The following MCU variants were observed in gnomAD, a reference collection of about 807,000 sequenced individuals.
MCU encodes mitochondrial calcium uniporter, also known as calcium uniporter protein, mitochondrial.
A neutral mutation model predicts 45.2 loss-of-function variants in MCU; 12 were observed. The ratio of observed to expected loss-of-function variants is 0.27; its 90% CI spans 0.17 to 0.43. MCU has a LOEUF of 0.43. Ranked by LOEUF, MCU falls within the 20% of genes least tolerant of loss-of-function variation. MCU has a pLI of 1.00. For synonymous variants in MCU, 160 were observed against 165.1 expected, an observed-to-expected ratio of 0.97 and a Z score of 0.24; for missense variants, 324 against 436.7, an observed-to-expected ratio of 0.74 and a Z score of 2.30.
At chr10:72,743,354 A>C (rs984601812) in intron 1 of MCU, among the ~76,000 whole-genome samples, 6 of 135,592 alleles carry the variant, frequency 4.4e-5, no homozygotes, top group Admixed American at 1.8e-4. Flanking sequence ...CAGAGGCTGC[A>C]GTGAGCCGAT....
chr10:72,876,921 GTTT>G (rs11365046), intron 6 of MCU, among the ~76,000 whole-genome samples: 3 of 134,180 alleles, frequency 2.2e-5, no homozygotes, highest in Admixed American at 7.7e-5. Context: ...TCAAATCACA[GTTT>G]TTTTTTTTTT....
intron 1 of MCU, among the ~76,000 whole-genome samples, chr10:72,797,205 A>G (rs1251928321): frequency 6.7e-6 from 1 of 150,064 alleles, no homozygotes; most frequent in Non-Finnish European, 1.5e-5. Context: ...TCTACTTTAT[A>G]ACATACTTTT....
At chr10:72,727,691 A>G (rs1843119271) in intron 1 of MCU, among the ~76,000 whole-genome samples, 1 of 152,096 alleles carries the variant, frequency 6.6e-6, no homozygotes, top group South Asian at 2.1e-4. Flanking sequence ...TGCCTCTTGT[A>G]TGGGAAGCAC....
In MCU at chr10:72,886,223, A is replaced by G. The variant is rs1240273338; in HGVS notation, c.*401A>G. 1 of 156,400 alleles carries G rather than the reference A, an allele frequency of 6.4e-6. No homozygotes were observed. The highest frequency in any genetic ancestry group is 2.4e-5 in the African/African-American group (1 of 41,556). 9.7% of individuals were successfully genotyped at this position (156,400 alleles called of 1,614,324 possible). A position where few individuals can be genotyped will look rare whatever the true frequency, so the allele number is the denominator to read the frequency against. ...TAATTTAACTGTCCCTATTTTTGAC[A>G]TAGGAGTAAATAAATATACTAGAAA... On this transcript the variant is annotated 3_prime_UTR_variant, in exon 8 of 8. Transcript: ENST00000373053.
intron 1 of MCU, among the ~76,000 whole-genome samples, chr10:72,833,001 T>C (rs1844902478): frequency 2.3e-5 from 3 of 130,790 alleles, no homozygotes; most frequent in Non-Finnish European, 3.4e-5. Context: ...GAGAAACAAA[T>C]AAACAAGAAT....
At chr10:72,720,565 G>C (rs1334207448) in intron 1 of MCU, among the ~76,000 whole-genome samples, 1 of 152,154 alleles carries the variant, frequency 6.6e-6, no homozygotes, top group Non-Finnish European at 1.5e-5. Flanking sequence ...TCAAGGCACA[G>C]CTCAAGTCCT....
In MCU at chr10:72,886,224, T is replaced by C. The variant is rs756195073; in HGVS notation, c.*402T>C. 6.4e-6 allele frequency: 1 copy of C among 156,338 alleles called. No individual in the cohort carries two copies. Among genetic ancestry groups the C allele is most frequent in the Non-Finnish European group, 1.4e-5 (1 of 70,534 alleles). 9.7% of individuals were successfully genotyped at this position (156,338 alleles called of 1,614,324 possible). ...AATTTAACTGTCCCTATTTTTGACA[T>C]AGGAGTAAATAAATATACTAGAAAA... is the stretch of plus-strand genomic sequence containing the variant. On this transcript the variant is annotated 3_prime_UTR_variant, in exon 8 of 8. Coordinates refer to ENST00000373053, the MANE Select transcript of MCU (RefSeq NM_138357.3).
chr10:72,814,333 C>A (rs1267137883), intron 1 of MCU, among the ~76,000 whole-genome samples: 1 of 152,168 alleles, frequency 6.6e-6, no homozygotes, highest in Non-Finnish European at 1.5e-5. Flanking sequence ...TTGTTCCTGG[C>A]ACAGGCTTCT....
At chr10:72,795,241 T>C (rs1200729862) in intron 1 of MCU, among the ~76,000 whole-genome samples, 1 of 152,136 alleles carries the variant, frequency 6.6e-6, no homozygotes, top group African/African-American at 2.4e-5. Context: ...AAAATTTTCC[T>C]CACTTTCCTG....
chr10:72,743,366 T>G (rs942592516), intron 1 of MCU, among the ~76,000 whole-genome samples: 1 of 146,478 alleles, frequency 6.8e-6, no homozygotes, highest in East Asian at 2.0e-4. Context: ...TGAGCCGATA[T>G]TGTGCCACTA....
chr10:72,729,487 A>C (rs527525870), intron 1 of MCU, among the ~76,000 whole-genome samples: 1 of 152,270 alleles, frequency 6.6e-6, no homozygotes, highest in South Asian at 2.1e-4. Flanking sequence ...AAAAAAAGAA[A>C]ACTGCTTTTT....
At chr10:72,745,124 G>A (rs1367164264) in intron 1 of MCU, among the ~76,000 whole-genome samples, 1 of 151,988 alleles carries the variant, frequency 6.6e-6, no homozygotes, top group Non-Finnish European at 1.5e-5. Flanking sequence ...GGACAATTTA[G>A]ATCAAAATAA....
chr10:72,872,704 T>A (rs1845561933), intron 6 of MCU, among the ~76,000 whole-genome samples: 1 of 152,244 alleles, frequency 6.6e-6, no homozygotes, highest in Non-Finnish European at 1.5e-5. Flanking sequence ...TTAGCTATTG[T>A]GAATAGTGCT....
intron 1 of MCU, among the ~76,000 whole-genome samples, chr10:72,708,051 G>C (rs111384119): frequency 9.3e-4 from 142 of 152,266 alleles, no homozygotes; most frequent in African/African-American, 3.4e-3. Context: ...TATTTCATTA[G>C]ATGGCTTGTG....
At chr10:72,865,758 GTTTTGTTTTTTT>G (rs371539035) in intron 4 of MCU, among the ~76,000 whole-genome samples, 347 of 148,862 alleles carry the variant, frequency 2.3e-3, no homozygotes, top group Middle Eastern at 0.01. Flanking sequence ...AGGCTGTGTG[GTTTTGTTTTTTT>G]TTTTGTTTTT....
intron 1 of MCU, among the ~76,000 whole-genome samples, chr10:72,740,714 C>A (rs559914162): frequency 1.4e-3 from 211 of 152,368 alleles, no homozygotes; most frequent in Non-Finnish European, 2.3e-3. Flanking sequence ...TGAGTTCAAA[C>A]CAGCAGGTGC....
At chr10:72,695,982 T>G (rs1308188067) in intron 1 of MCU, among the ~76,000 whole-genome samples, 1 of 150,948 alleles carries the variant, frequency 6.6e-6, no homozygotes, top group Non-Finnish European at 1.5e-5. Context: ...GCCAACATGG[T>G]GAAACCTCGT....
intron 1 of MCU, among the ~76,000 whole-genome samples, chr10:72,795,884 G>A (rs542380413): frequency 6.6e-6 from 1 of 152,026 alleles, no homozygotes; most frequent in East Asian, 1.9e-4. Flanking sequence ...TGTAATCCCG[G>A]GTACTCTGGA....
intron 1 of MCU, among the ~76,000 whole-genome samples, chr10:72,733,694 T>C (rs1843211066): frequency 6.8e-6 from 1 of 146,244 alleles, no homozygotes; most frequent in South Asian, 2.1e-4. Flanking sequence ...TATATATATA[T>C]ATATATATAT....
Sources: allele counts gnomAD v4.1 joint callset (sites outside exome capture counted in the v4.1 genomes callset), GRCh38; gene constraint gnomAD v4.1.1; transcripts MANE v1.5; gene names NCBI Gene and HGNC (gene_info 2026-07-23, HGNC 2026-07-21).